Variants in FAM171A1 observed in about 807,000 individuals in gnomAD.
FAM171A1 encodes protein FAM171A1.
In FAM171A1, 23 loss-of-function variants were observed where a neutral mutation model predicts 74.9. The ratio of observed to expected loss-of-function variants is 0.31; its 90% CI spans 0.22 to 0.44. The LOEUF is 0.44. FAM171A1 is among the 20% of genes least tolerant of loss of function. The probability of loss-of-function intolerance (pLI) is 1.00; values close to 1 mark genes in which losing one functional copy is unlikely to be tolerated. For synonymous variants in FAM171A1, 527 were observed against 505.7 expected (o/e 1.04, Z -0.57); for missense variants, 1,162 against 1,159.2 (o/e 1.00, Z -0.03).
At chr10:15,331,862 T>TACATAC (rs1483625177) in intron 1 of FAM171A1, among the ~76,000 whole-genome samples, 2 of 99,570 alleles carry the variant, frequency 2.0e-5, no homozygotes, top group Admixed American at 1.0e-4. Context: ...TATGTGTGTA[T>TACATAC]ATATATGTGT....
chr10:15,236,165 C>T (rs574599281), intron 5 of FAM171A1, among the ~76,000 whole-genome samples: 1 of 151,998 alleles, frequency 6.6e-6, no homozygotes, highest in Non-Finnish European at 1.5e-5. Context: ...GGTATGGGCC[C>T]CGACCAATCA....
chr10:15,227,272 A>G (rs1834121139), intron 5 of FAM171A1, among the ~76,000 whole-genome samples: 1 of 152,124 alleles, frequency 6.6e-6, no homozygotes, highest in Non-Finnish European at 1.5e-5. Flanking sequence ...AAGTGTAGGG[A>G]TTATAGGTGT....
chr10:15,338,582 T>C (rs747556668), intron 1 of FAM171A1, among the ~76,000 whole-genome samples: 1 of 152,190 alleles, frequency 6.6e-6, no homozygotes, highest in Non-Finnish European at 1.5e-5. Context: ...GTGAGGAATA[T>C]AGTCTCATAG....
intron 1 of FAM171A1, among the ~76,000 whole-genome samples, chr10:15,300,988 T>A (rs1835221594): frequency 6.6e-6 from 1 of 152,256 alleles, no homozygotes; most frequent in African/African-American, 2.4e-5. Flanking sequence ...CATGCCTGGC[T>A]ATGGTTCTTG....
chr10:15,304,351 C>G (rs1481310875), intron 1 of FAM171A1, among the ~76,000 whole-genome samples: 1 of 152,164 alleles, frequency 6.6e-6, no homozygotes, highest in East Asian at 1.9e-4. Context: ...GCTCGGTGAG[C>G]ATGACTTTCA....
At chr10:15,349,528 A>AG (rs1835854492) in intron 1 of FAM171A1, among the ~76,000 whole-genome samples, 1 of 152,172 alleles carries the variant, frequency 6.6e-6, no homozygotes, top group Non-Finnish European at 1.5e-5. Flanking sequence ...AGAGGCCACT[A>AG]GCCACACTGA....
chr10:15,357,187 G>A (rs1835943721), intron 1 of FAM171A1, among the ~76,000 whole-genome samples: 1 of 152,152 alleles, frequency 6.6e-6, no homozygotes, highest in Non-Finnish European at 1.5e-5. Context: ...GGAGGCTGAG[G>A]CAGGAGAATG....
At chr10:15,270,072 G>A (rs1342409613) in intron 3 of FAM171A1, among the ~76,000 whole-genome samples, 2 of 152,196 alleles carry the variant, frequency 1.3e-5, no homozygotes, top group Non-Finnish European at 2.9e-5. Flanking sequence ...CACGGAGCAT[G>A]GCGGAGCATC....
intron 1 of FAM171A1, among the ~76,000 whole-genome samples, chr10:15,324,363 G>A (rs1955346): frequency 0.31 from 46,820 of 152,106 alleles, 9,101 homozygotes; most frequent in East Asian, 0.69. Context: ...ATCCTCAAAT[G>A]ACACACTCTT....
At chr10:15,263,741 GTCTATCTATCTATCTATCTATCTA>G (rs55705228) in intron 3 of FAM171A1, among the ~76,000 whole-genome samples, 1 of 140,536 alleles carries the variant, frequency 7.1e-6, no homozygotes, top group Non-Finnish European at 1.6e-5. Context: ...CTATCTGTCT[GTCTATCTATCTATCTATCTATCTA>G]TCTATCTATC....
At chr10:15,274,953 G>T (rs905598121) in intron 3 of FAM171A1, among the ~76,000 whole-genome samples, 1 of 152,134 alleles carries the variant, frequency 6.6e-6, no homozygotes, top group Non-Finnish European at 1.5e-5. Flanking sequence ...TCCTTTGTAG[G>T]GACATGGATG....
At chr10:15,268,369 A>G (rs1196537583) in intron 3 of FAM171A1, among the ~76,000 whole-genome samples, 1 of 152,126 alleles carries the variant, frequency 6.6e-6, no homozygotes, top group Non-Finnish European at 1.5e-5. Flanking sequence ...TGGATTTGTG[A>G]GGTGGCAATG....
chr10:15,338,898 G>A (rs775673819), intron 1 of FAM171A1, among the ~76,000 whole-genome samples: 1 of 152,038 alleles, frequency 6.6e-6, no homozygotes, highest in Non-Finnish European at 1.5e-5. Flanking sequence ...GCGCCACCAC[G>A]CCTAGCTAAT....
intron 3 of FAM171A1, among the ~76,000 whole-genome samples, chr10:15,274,411 C>G (rs1834866492): frequency 6.6e-6 from 1 of 152,188 alleles, no homozygotes; most frequent in African/African-American, 2.4e-5. Flanking sequence ...GAAGAACACT[C>G]CATGCTCATG....
In FAM171A1 at chr10:15,214,306, G is replaced by C. The variant is rs767552901; in HGVS notation, c.1282C>G (p.Arg428Gly). ...SYSTSQEFSS[R>G]EELLSCKEED... ...TCCTTGCAAGAGAGGAGCTCCTCCCGGGAGCTAAATTCCTGGGAGGTGCTG... is the reference window on the plus strand; with the variant it reads ...TCCTTGCAAGAGAGGAGCTCCTCCCCGGAGCTAAATTCCTGGGAGGTGCTG... The change falls in exon 8 of 8, where the codon CGG becomes GGG. Residue 428 changes from arginine to glycine, a missense_variant. Transcript: ENST00000378116. 1.9e-6 allele frequency: 3 copies of C among 1,613,150 alleles called. No individual in the cohort carries two copies. The highest frequency in any genetic ancestry group is 2.2e-5 in the South Asian group (2 of 90,968).
intron 4 of FAM171A1, among the ~76,000 whole-genome samples, chr10:15,251,664 G>A (rs576001605): frequency 2.6e-5 from 4 of 151,842 alleles, no homozygotes; most frequent in East Asian, 3.9e-4. Flanking sequence ...CACCCGCCTC[G>A]GCCTCCCAAA....
chr10:15,237,425 G>A (rs772592213), intron 5 of FAM171A1: 1 of 152,172 alleles, frequency 6.6e-6, no homozygotes, highest in African/African-American at 2.4e-5. Context: ...GGAATGGATT[G>A]ATAATACAAG....
intron 2 of FAM171A1, among the ~76,000 whole-genome samples, chr10:15,279,900 T>TAAAAC (rs142632154): frequency 0.25 from 36,663 of 149,622 alleles, 4,627 homozygotes; most frequent in Middle Eastern, 0.29. Flanking sequence ...TCTTGAAAAA[T>TAAAAC]AAAACAAAAC....
At chr10:15,304,369 C>T (rs928130432) in intron 1 of FAM171A1, among the ~76,000 whole-genome samples, 1 of 152,100 alleles carries the variant, frequency 6.6e-6, no homozygotes, top group Non-Finnish European at 1.5e-5. Context: ...TCACCTGCAG[C>T]CTGTCAATCC....
Sources: gnomAD v4.1 joint callset for allele counts (sites outside exome capture counted in the v4.1 genomes callset) on GRCh38, gnomAD v4.1.1 for gene constraint, MANE v1.5 for transcripts, NCBI Gene and HGNC (gene_info 2026-07-23, HGNC 2026-07-21) for gene names.